Variants in NOMO2 observed in about 807,000 individuals in gnomAD.
The protein encoded by NOMO2 is NODAL modulator 2.
Under a neutral mutation model 67.1 loss-of-function variants are expected in NOMO2, and 14 were observed. The ratio of observed to expected loss-of-function variants is 0.21; its 90% confidence interval spans 0.14 to 0.33. The LOEUF is 0.33. Ranked by LOEUF, NOMO2 falls within the 10% of genes least tolerant of loss-of-function variation. NOMO2 has a pLI of 1.00. For synonymous variants in NOMO2, 80 were observed against 305.9 expected, an observed-to-expected ratio of 0.26 and a Z score of 7.71; for missense variants, 178 against 761.0, an observed-to-expected ratio of 0.23 and a Z score of 9.01.
At chr16:18,555,677 T>C (rs1463673388) in intron 2 of NOMO2, among the ~76,000 whole-genome samples, 1 of 146,072 alleles carries the variant, frequency 6.8e-6, no homozygotes, top group Non-Finnish European at 1.5e-5. Context: ...GGTGCGATCT[T>C]GGCTCACTGC....
At chr16:18,539,632 C>T (rs2141733402) in intron 9 of NOMO2, among the ~76,000 whole-genome samples, 1 of 152,058 alleles carries the variant, frequency 6.6e-6, no homozygotes, top group Non-Finnish European at 1.5e-5. Context: ...TGGCAGGCGC[C>T]TGTAATCCCA....
At chr16:18,556,952 C>A (rs1211112364) in intron 2 of NOMO2, among the ~76,000 whole-genome samples, 3 of 151,832 alleles carry the variant, frequency 2.0e-5, no homozygotes, top group Admixed American at 2.0e-4. Flanking sequence ...ATGGCAAAAC[C>A]CCGTCACTAT....
At chr16:18,545,097 A>T (rs893775127) in intron 6 of NOMO2, among the ~76,000 whole-genome samples, 4 of 108,516 alleles carry the variant, frequency 3.7e-5, no homozygotes, top group South Asian at 3.5e-4. Flanking sequence ...TTTCGAATAA[A>T]TTTTTTTTTT....
intron 16 of NOMO2, among the ~76,000 whole-genome samples, chr16:18,526,492 C>T (rs1455132705): frequency 4.0e-5 from 6 of 151,754 alleles, no homozygotes; most frequent in African/African-American, 9.7e-5. Context: ...GTCATAACAG[C>T]GTCAAACTGG....
At chr16:18,555,509 TGGGCA>T in intron 2 of NOMO2, among the ~76,000 whole-genome samples, 1 of 150,440 alleles carries the variant, frequency 6.6e-6, no homozygotes, top group Middle Eastern at 3.4e-3. Context: ...CACTCCAGCA[TGGGCA>T]GCGGAGGGAG....
Position 18,529,071 on chromosome 16 carries a change from G to A in NOMO2, c.1806+430C>T, listed in dbSNP as rs1247522289. Among the ~76,000 whole-genome samples, 44 of 112,382 alleles carry A rather than the reference G, an allele frequency of 3.9e-4. No homozygotes were observed. In the South Asian group the frequency reaches 0.012, roughly 30 times the overall value. The allele number at this position is 112,382 out of a possible 152,430, so 73.7% of individuals were successfully genotyped here. A position where few individuals can be genotyped will look rare whatever the true frequency, so the allele number is the denominator to read the frequency against. ...AGAAACTCACTTGGCAGTACAGAGC[G>A]GTGTACACCAAGGACACTTTGATAC... On this transcript the variant is annotated intron_variant, in intron 15 of 30. Coordinates refer to ENST00000622306, the MANE Select transcript of NOMO2 (RefSeq NM_173614.4).
In NOMO2 at chr16:18,529,436, A is replaced by G. The variant is rs532280061; in HGVS notation, c.1806+65T>C. The stretch of plus-strand genomic sequence containing the variant: ...ACGTTTACAATATTCCTGGGATGTT[A>G]GTCTTTCTTGACATCCACAAGGCGA... On this transcript the variant is annotated intron_variant, in intron 15 of 30. Coordinates refer to ENST00000622306, the MANE Select transcript of NOMO2 (RefSeq NM_173614.4). The G allele has an allele frequency of 3.4e-5, 55 of 1,611,538 alleles. No homozygotes were observed. The South Asian group carries it at 5.3e-4, about 15-fold the overall frequency.
In NOMO2 at chr16:18,561,873, C is replaced by T. The variant is rs762326706; in HGVS notation, c.165+3G>A. The T allele has an allele frequency of 1.9e-6, 3 of 1,553,426 alleles. No individual in the cohort carries two copies. In the East Asian group the frequency reaches 7.4e-5, roughly 38 times the overall value. On this transcript the variant is annotated splice_donor_region_variant and intron_variant, in intron 1 of 30. Transcript: ENST00000622306. ...GGCGCCGGGCGGCGGGGCGGGCGCTCACCTCGATGAGCGAGTAGTTGATCT... is the reference window on the plus strand; with the variant it reads ...GGCGCCGGGCGGCGGGGCGGGCGCTTACCTCGATGAGCGAGTAGTTGATCT...
chr16:18,543,556 G>T (rs1901594980), intron 7 of NOMO2, 61 bp downstream of exon 7: 2 of 1,609,370 alleles, frequency 1.2e-6, no homozygotes, highest in South Asian at 1.1e-5. Context: ...GTATGTTCTG[G>T]TCTATAATCC....
intron 1 of NOMO2, chr16:18,558,770 G>A (rs953407088): frequency 2.2e-5 from 10 of 449,616 alleles, no homozygotes; most frequent in Admixed American, 1.2e-4. Context: ...GGGCAAGCTC[G>A]TGTTCGGTTT....
intron 11 of NOMO2, among the ~76,000 whole-genome samples, chr16:18,536,177 G>C (rs1901418356): frequency 6.6e-6 from 1 of 152,110 alleles, no homozygotes; most frequent in Admixed American, 6.6e-5. Context: ...AGGCCCCAGA[G>C]CTCCCTGACC....
At chr16:18,561,199 A>AAC (rs1902041663) in intron 1 of NOMO2, among the ~76,000 whole-genome samples, 4 of 146,916 alleles carry the variant, frequency 2.7e-5, no homozygotes, top group Admixed American at 6.8e-5. Context: ...AAAAAAAAAA[A>AAC]AAAAAAAACC....
intron 20 of NOMO2, 65 bp downstream of exon 20, chr16:18,520,532 T>TA (rs1196792656): frequency 1.3e-6 from 1 of 747,786 alleles, no homozygotes; most frequent in Non-Finnish European, 2.2e-6. Context: ...AATCTACTTG[T>TA]AAATGCAGGC....
chr16:18,531,746 C>T, intron 12 of NOMO2, 139 bp from the exon 13 acceptor site: 4 of 1,502,034 alleles, frequency 2.7e-6, no homozygotes, highest in Non-Finnish European at 3.6e-6. Flanking sequence ...GCCAATTTTA[C>T]AATCACAACA....
intron 11 of NOMO2, among the ~76,000 whole-genome samples, chr16:18,536,102 CAG>C (rs1214893225): frequency 2.0e-5 from 3 of 152,092 alleles, no homozygotes; most frequent in Non-Finnish European, 4.4e-5. Flanking sequence ...GGCCAACCAA[CAG>C]ACAACTCCTA....
At chr16:18,528,967 CAAAAAAAAAAA>C (rs58520369) in intron 15 of NOMO2, among the ~76,000 whole-genome samples, 1 of 12,336 alleles carries the variant, frequency 8.1e-5, no homozygotes, top group Non-Finnish European at 1.7e-4. Context: ...GACTCCATCT[CAAAAAAAAAAA>C]AAAAAAAAAA....
intron 2 of NOMO2, among the ~76,000 whole-genome samples, chr16:18,557,362 C>T (rs1252405882): frequency 6.6e-6 from 1 of 151,302 alleles, no homozygotes; most frequent in African/African-American, 2.4e-5. Context: ...TTTCTCAGCC[C>T]TGGCACTACT....
chr16:18,548,754 T>C (rs1270231256), intron 5 of NOMO2, among the ~76,000 whole-genome samples: 2 of 150,244 alleles, frequency 1.3e-5, no homozygotes, highest in East Asian at 3.9e-4. Flanking sequence ...CCTTAGGAGA[T>C]AGGTTCCACA....
chr16:18,560,873 C>A (rs917535273), intron 1 of NOMO2, among the ~76,000 whole-genome samples: 2 of 151,262 alleles, frequency 1.3e-5, no homozygotes, highest in Non-Finnish European at 2.9e-5. Context: ...CTCAAAGGTG[C>A]TTTCAGACGA....
Sources: gnomAD v4.1 joint callset for allele counts (sites outside exome capture counted in the v4.1 genomes callset) on GRCh38, gnomAD v4.1.1 for gene constraint, MANE v1.5 for transcripts, NCBI Gene and HGNC (gene_info 2026-07-23, HGNC 2026-07-21) for gene names.